The following DMAP1 variants were observed in gnomAD, a reference collection of about 807,000 sequenced individuals.
The protein encoded by DMAP1 is DNA methyltransferase 1 associated protein 1.
Under a neutral mutation model 52.7 loss-of-function variants are expected in DMAP1, and 26 were observed. The ratio of observed to expected loss-of-function variants is 0.49; its 90% confidence interval spans 0.36 to 0.68. The LOEUF (loss-of-function observed/expected upper bound fraction) is 0.68. Ranked by LOEUF, DMAP1 falls within the 30% of genes least tolerant of loss-of-function variation. The pLI, the probability that DMAP1 is intolerant of heterozygous loss-of-function variation, is 0.00. For synonymous variants in DMAP1, 231 were observed against 246.0 expected (o/e 0.94, Z 0.57); for missense variants, 439 against 625.2 (o/e 0.70, Z 3.18).
chr1:44,214,634 C>T, intron 2 of DMAP1, 69 bp from the exon 3 acceptor site: 3 of 1,613,342 alleles, frequency 1.9e-6, no homozygotes, highest in Non-Finnish European at 2.5e-6. Flanking sequence ...AGATCAGCTC[C>T]CTGGGACAAA....
Position 44,218,524 on chromosome 1 carries a change from C to T in DMAP1, c.552+55C>T. On this transcript the variant is annotated intron_variant, in intron 4 of 9. Transcript: ENST00000372289. The surrounding 1 kb of genome is among the most constrained non-coding windows in gnomAD (Gnocchi z 5.6). ...CAGCTTCTGGGTCTAGCAGGCCCTACTTTTATGCCATCTCTTCCACATGCC... is the reference window on the plus strand; with the variant it reads ...CAGCTTCTGGGTCTAGCAGGCCCTATTTTTATGCCATCTCTTCCACATGCC... The T allele has an allele frequency of 6.2e-7, 1 of 1,609,138 alleles. No individual in the cohort carries two copies. Among genetic ancestry groups the T allele is most frequent in the Non-Finnish European group, 8.5e-7 (1 of 1,176,034 alleles).
intron 9 of DMAP1, 87 bp downstream of exon 9, chr1:44,220,396 G>A (rs1436263852): frequency 6.6e-7 from 1 of 1,525,594 alleles, no homozygotes; most frequent in African/African-American, 1.4e-5. Flanking sequence ...TCCCTCTAGT[G>A]CCTGCAGCAG....
Position 44,218,258 on chromosome 1 carries a change from C to A in DMAP1, c.394-53C>A. On this transcript the variant is annotated intron_variant, in intron 3 of 9. Coordinates refer to ENST00000372289, the MANE Select transcript of DMAP1 (RefSeq NM_019100.5). This position sits in a 1 kb window ranked among gnomAD's most constrained non-coding sequence, Gnocchi z 5.6. ...TGTGGTCACTGGGGCCTGGAGCCTG[C>A]TGGACATGACATCATGCGGGCATGC... 6.2e-7 allele frequency: 1 copy of A among 1,613,142 alleles called. No homozygotes were observed. Among genetic ancestry groups the A allele is most frequent in the Non-Finnish European group, 8.5e-7 (1 of 1,179,108 alleles).
rs1643733120 is a variant in DMAP1, at chr1:44,213,895, G to A, written c.105+37G>A. On this transcript the variant is annotated intron_variant, in intron 1 of 9. Coordinates refer to ENST00000372289, the MANE Select transcript of DMAP1 (RefSeq NM_019100.5). The surrounding 1 kb of genome is among the most constrained non-coding windows in gnomAD (Gnocchi z 4.5). ...ACCTGAAAGCGTTGACTAGGGGAGG[G>A]TAGGGGAGTGAAGATGGGGAGGAGT... The A allele has an allele frequency of 6.5e-7, 1 of 1,545,454 alleles. No individual in the cohort carries two copies. The highest frequency in any genetic ancestry group is 1.2e-5 in the South Asian group (1 of 84,068).
chr1:44,219,596 G>A, intron 7 of DMAP1, 119 bp downstream of exon 7: 1 of 1,225,290 alleles, frequency 8.2e-7, no homozygotes, highest in Non-Finnish European at 1.1e-6. Context: ...GCAGACAGAG[G>A]TGGCCTTGGC....
Position 44,218,438 on chromosome 1 carries a change from T to A in DMAP1, c.521T>A (p.Ile174Asn). 1.9e-6 allele frequency: 3 copies of A among 1,614,216 alleles called. No homozygotes were observed. Among genetic ancestry groups the A allele is most frequent in the Non-Finnish European group, 2.5e-6 (3 of 1,180,032 alleles). ...CGCTTTGACCTGCGTTTTGTTGTTA[T>A]CCATGACCGGTATGACCACCAGCAG... is the stretch of plus-strand genomic sequence containing the variant. ...SRRFDLRFVVIHDRYDHQQFK... is the reference protein window; with the variant it reads ...SRRFDLRFVVNHDRYDHQQFK... Residue 174 changes from isoleucine (I) to asparagine (N), a missense_variant, in exon 4 of 10, where the codon ATC becomes AAC. Coordinates refer to ENST00000372289, the MANE Select transcript of DMAP1 (RefSeq NM_019100.5). The surrounding 1 kb of genome is among the most constrained non-coding windows in gnomAD (Gnocchi z 5.6).
At chr1:44,219,991 C>CTGTGCTG (rs1643874675) in intron 8 of DMAP1, 26 bp from the exon 9 acceptor site, 5 of 1,598,994 alleles carry the variant, frequency 3.1e-6, no homozygotes, top group Non-Finnish European at 4.3e-6. Context: ...TGGGCTCTGC[C>CTGTGCTG]CGTGCTGCCT....
intron 2 of DMAP1, 41 bp from the exon 3 acceptor site, chr1:44,214,662 T>A: frequency 1.2e-6 from 2 of 1,612,728 alleles, no homozygotes; most frequent in Non-Finnish European, 1.7e-6. Context: ...TTAACACACC[T>A]TCTGATTCTA....
chr1:44,218,943 A>G lies in DMAP1; in HGVS notation c.721-113A>G. On this transcript the variant is annotated intron_variant, in intron 5 of 9. Transcript: ENST00000372289. This position sits in a 1 kb window ranked among gnomAD's most constrained non-coding sequence, Gnocchi z 5.6. The stretch of plus-strand genomic sequence containing the variant: ...CTTTTCATAGCCCTTCACCTCCCTC[A>G]TGATCCATTACTTCTCAGATTCCCT... 1.4e-6 allele frequency: 2 copies of G among 1,454,644 alleles called. No homozygotes were observed. Among genetic ancestry groups the G allele is most frequent in the South Asian group, 2.6e-5 (2 of 76,464 alleles). The allele number at this position is 1,454,644 out of a possible 1,614,324, so 90.1% of individuals were successfully genotyped here.
chr1:44,220,613 C>A lies in DMAP1; in HGVS notation c.1399C>A (p.Pro467Thr). 6.2e-7 allele frequency: 1 copy of A among 1,614,214 alleles called. No individual in the cohort carries two copies. The highest frequency in any genetic ancestry group is 8.5e-7 in the Non-Finnish European group (1 of 1,180,032). ...SSSSVKKAKK[P>T] ...ATCTTCCGTGAAGAAAGCCAAGAAG[C>A]CGTGAGAGGCCCCACGGGGTGTGGG... is the stretch of plus-strand genomic sequence containing the variant. The change falls in exon 10 of 10, where the codon CCG becomes ACG. Residue 467 changes from proline to threonine, a missense_variant. Coordinates refer to ENST00000372289, the MANE Select transcript of DMAP1 (RefSeq NM_019100.5).
At position 44,218,209 on chromosome 1, in the gene DMAP1, G is replaced by A; in HGVS notation, c.394-102G>A. ...CCATGCTGCAGGGGCACAGGCCCAGGGTCTGGCAACAAACAGGAGCAGCTG... is the reference window on the plus strand; with the variant it reads ...CCATGCTGCAGGGGCACAGGCCCAGAGTCTGGCAACAAACAGGAGCAGCTG... On this transcript the variant is annotated intron_variant, in intron 3 of 9. Transcript: ENST00000372289. This position sits in a 1 kb window ranked among gnomAD's most constrained non-coding sequence, Gnocchi z 5.6. The A allele has an allele frequency of 6.6e-7, 1 of 1,505,986 alleles. No homozygotes were observed. Among genetic ancestry groups the A allele is most frequent in the Non-Finnish European group, 9.2e-7 (1 of 1,082,454 alleles). 93.3% of individuals were successfully genotyped at this position (1,505,986 alleles called of 1,614,324 possible).
chr1:44,217,177 G>C (rs373527334), intron 3 of DMAP1: 3 of 152,162 alleles, frequency 2.0e-5, no homozygotes, highest in Admixed American at 6.5e-5. Context: ...AAATTGTTAC[G>C]TAAGTTTTTC....
Position 44,218,310 on chromosome 1 carries a change from G to C in DMAP1, c.394-1G>C, listed in dbSNP as rs1643835115. The C allele has an allele frequency of 1.2e-6, 2 of 1,614,138 alleles. No individual in the cohort carries two copies. The highest frequency in any genetic ancestry group is 1.3e-5 in the African/African-American group (1 of 74,952). ...CCTACTGTGTCCCTCTGTGCTAGTAGACTGTGCAGGTGCCTGTGTACTCGG... is the reference window on the plus strand; with the variant it reads ...CCTACTGTGTCCCTCTGTGCTAGTACACTGTGCAGGTGCCTGTGTACTCGG... On this transcript the variant is annotated splice_acceptor_variant, in intron 3 of 9. Transcript: ENST00000372289. LOFTEE classifies it high-confidence loss of function. This position sits in a 1 kb window ranked among gnomAD's most constrained non-coding sequence, Gnocchi z 5.6.
intron 9 of DMAP1, 24 bp downstream of exon 9, chr1:44,220,333 G>A: frequency 6.5e-7 from 1 of 1,529,486 alleles, no homozygotes; most frequent in South Asian, 1.3e-5. Context: ...CAGGCTGGGA[G>A]GCACGCCTGG....
chr1:44,219,676 C>G, intron 7 of DMAP1, 130 bp from the exon 8 acceptor site: 1 of 1,279,456 alleles, frequency 7.8e-7, no homozygotes, highest in Non-Finnish European at 1.1e-6. Context: ...TGGCTATTTC[C>G]TTTTCTGGCC....
In DMAP1 at chr1:44,219,126, G is replaced by A; in HGVS notation, c.791G>A (p.Arg264His). Reference protein sequence around the residue: ...IEARKKEREKRSQDLQKLITA... With the variant: ...IEARKKEREKHSQDLQKLITA... Reference sequence around the variant, plus strand: ...GCCCGGAAGAAGGAGCGGGAGAAACGCAGCCAGGACCTGCAGAAGCTGATC... The same window carrying A: ...GCCCGGAAGAAGGAGCGGGAGAAACACAGCCAGGACCTGCAGAAGCTGATC... Residue 264 changes from arginine to histidine, a missense_variant, in exon 6 of 10, where the codon CGC becomes CAC. Physicochemically the swap from Arg to His is conservative, Grantham distance 29. This residue lies in a region of DMAP1 where 179 missense variants were observed against 285.9 expected (regional missense o/e 0.63). Coordinates refer to ENST00000372289, the MANE Select transcript of DMAP1 (RefSeq NM_019100.5). 3 of 1,614,166 alleles carry A rather than the reference G, an allele frequency of 1.9e-6. No individual in the cohort carries two copies. Among genetic ancestry groups the A allele is most frequent in the Non-Finnish European group, 1.7e-6 (2 of 1,180,030 alleles).
intron 3 of DMAP1, chr1:44,215,189 T>C (rs1457320737): frequency 1.8e-6 from 1 of 550,464 alleles, no homozygotes; most frequent in Non-Finnish European, 3.5e-6. Context: ...TCTTGTTCTC[T>C]ACTTTCTTAG....
rs528033235 is a variant in DMAP1 at position 44,214,682 on chromosome 1, C to T, written c.198-21C>T. ...ACACCTTCTGATTCTAACCTCGCAT[C>T]TCCCTAAACCTCCCTGCCAGGGATG... On this transcript the variant is annotated intron_variant, in intron 2 of 9. Coordinates refer to ENST00000372289, the MANE Select transcript of DMAP1 (RefSeq NM_019100.5). 5 of 1,610,384 alleles carry T rather than the reference C, an allele frequency of 3.1e-6. No homozygotes were observed. In the East Asian group the frequency reaches 8.9e-5, roughly 29 times the overall value.
intron 7 of DMAP1, 161 bp downstream of exon 7, chr1:44,219,638 A>C (rs1643869095): frequency 1.7e-6 from 2 of 1,157,416 alleles, no homozygotes. Context: ...GGCTAAGGTC[A>C]TAGCAGCTTT....
Sources: gnomAD v4.1 joint callset for allele counts on GRCh38, gnomAD v4.1.1 for gene constraint, gnomAD v4.1.1 regional missense constraint, Gnocchi (gnomAD v3.1) non-coding constraint, MANE v1.5 for transcripts, NCBI Gene and HGNC (gene_info 2026-07-23, HGNC 2026-07-21) for gene names.